The following SKA3 variants were observed in gnomAD, a reference collection of about 807,000 sequenced individuals.
SKA3 encodes spindle and kinetochore-associated protein 3.
In SKA3, 39 loss-of-function variants were observed where a neutral mutation model predicts 44.2. That is an observed-to-expected ratio of 0.88 (90% CI 0.68 to 1.15). SKA3 has a LOEUF of 1.15. Among genes scored for constraint, SKA3 ranks in the 50% most tolerant of loss-of-function variants. The pLI is 0.00. For synonymous variants in SKA3, 192 were observed against 172.0 expected (o/e 1.12, Z -0.91); for missense variants, 511 against 485.8 (o/e 1.05, Z -0.49).
chr13:21,176,313 G>T, intron 1 of SKA3, 62 bp downstream of exon 1: 1 of 1,256,662 alleles, frequency 8.0e-7, no homozygotes, highest in Non-Finnish European at 1.0e-6. Flanking sequence ...CCGTCCACTC[G>T]CCACGCCCCT....
chr13:21,159,654 TA>T (rs925430160), intron 6 of SKA3, among the ~76,000 whole-genome samples: 1 of 152,218 alleles, frequency 6.6e-6, no homozygotes, highest in Non-Finnish European at 1.5e-5. Context: ...CCTTACTCTA[TA>T]ACTTGTTTAA....
At chr13:21,173,684 G>A (rs937470208) in intron 1 of SKA3, among the ~76,000 whole-genome samples, 1 of 152,156 alleles carries the variant, frequency 6.6e-6, no homozygotes, top group South Asian at 2.1e-4. Context: ...TTCCACGTTC[G>A]TAATCTAATC....
In SKA3 at chr13:21,173,161, C is replaced by T. The variant is rs1020631595; in HGVS notation, c.104-480G>A. Among the ~76,000 whole-genome samples the T allele has an allele frequency of 7.7e-5, 4 of 52,014 alleles. No homozygotes were observed. The Admixed American group carries it at 1.1e-3, about 14-fold the overall frequency. 34.1% of individuals were successfully genotyped at this position (52,014 alleles called of 152,430 possible). On this transcript the variant is annotated intron_variant, in intron 1 of 8. Transcript: ENST00000314759. Reference sequence around the variant, plus strand: ...AAATGAGCATACCTGCACAACTGGCCCTCAGCTCAAGAAAAAGGAGAAACA... The same window carrying T: ...AAATGAGCATACCTGCACAACTGGCTCTCAGCTCAAGAAAAAGGAGAAACA...
chr13:21,167,807 T>G (rs112559574), intron 4 of SKA3, among the ~76,000 whole-genome samples, 181 bp downstream of exon 4: 4,693 of 151,294 alleles, frequency 0.031, 221 homozygotes, highest in African/African-American at 0.1. Context: ...AAAAACTTAT[T>G]GATGTAACCA....
intron 3 of SKA3, among the ~76,000 whole-genome samples, chr13:21,171,979 G>A (rs1425770477): frequency 2.6e-5 from 4 of 152,158 alleles, no homozygotes; most frequent in Non-Finnish European, 2.9e-5. Context: ...AACATGCCTC[G>A]AGGTCTCTCA....
At chr13:21,159,848 T>A (rs898880039) in intron 6 of SKA3, 54 bp downstream of exon 6, 1 of 1,312,294 alleles carries the variant, frequency 7.6e-7, no homozygotes, top group Non-Finnish European at 1.1e-6. Context: ...CAAGCAGTAG[T>A]GTATTTGAGT....
rs375975744 is a variant in SKA3 at position 21,168,307 on chromosome 13, G to T, written c.424C>A (p.Pro142Thr). 1 of 1,614,190 alleles carries T rather than the reference G, an allele frequency of 6.2e-7. No individual in the cohort carries two copies. Among genetic ancestry groups the T allele is most frequent in the Admixed American group, 1.7e-5 (1 of 60,018 alleles). The change falls in exon 4 of 9, where the codon CCT becomes ACT. Residue 142 changes from proline (P) to threonine (T), a missense_variant. Physicochemically the swap from Pro to Thr is conservative, Grantham distance 38 (BLOSUM62 -1). Transcript: ENST00000314759. ...TCAGAAATACAACTGCTTGCAACAG[G>T]AGGATCAGACAGATCATCTTTCACA... ...TDVKDDLSDPPVASSCISEKS... is the reference protein window; with the variant it reads ...TDVKDDLSDPTVASSCISEKS...
At chr13:21,157,439 TAC>T (rs1373530843) in intron 7 of SKA3, among the ~76,000 whole-genome samples, 1 of 152,238 alleles carries the variant, frequency 6.6e-6, no homozygotes, top group Non-Finnish European at 1.5e-5. Flanking sequence ...AGGCACTTGC[TAC>T]ACAGTGATAA....
In SKA3 at chr13:21,157,074, AAAC is replaced by A. The variant is rs1169636880; in HGVS notation, c.1119+845_1119+847del. Among the ~76,000 whole-genome samples, 2 of 3,412 alleles carry A rather than the reference AAAC, an allele frequency of 5.9e-4. 1 individual carries two copies. Among genetic ancestry groups the A allele is most frequent in the Non-Finnish European group, 1.8e-3 (2 of 1,096 alleles). The allele number at this position is 3,412 out of a possible 152,430, so 2.2% of individuals were successfully genotyped here. On this transcript the variant is annotated intron_variant, in intron 7 of 8. Coordinates refer to ENST00000314759, the MANE Select transcript of SKA3 (RefSeq NM_145061.6). ...AGAGCGAGACTCCGTCTCAAAAAAA[AAAC>A]AAAAAAAAAGAATTCCACACGTGTA...
In SKA3 at chr13:21,155,040, T is replaced by A; in HGVS notation, c.*110A>T. The A allele has an allele frequency of 6.5e-7, 1 of 1,539,228 alleles. No homozygotes were observed. Among genetic ancestry groups the A allele is most frequent in the Admixed American group, 1.9e-5 (1 of 52,948 alleles). On this transcript the variant is annotated 3_prime_UTR_variant, in exon 9 of 9. Coordinates refer to ENST00000314759, the MANE Select transcript of SKA3 (RefSeq NM_145061.6). ...TGTTCATGTTTGTCTTTAAAATGGG[T>A]CAACGTTTAAAGGGGGACAGAGGCA...
intron 4 of SKA3, among the ~76,000 whole-genome samples, chr13:21,166,342 T>A (rs1870712572): frequency 6.6e-6 from 1 of 152,172 alleles, no homozygotes; most frequent in African/African-American, 2.4e-5. Flanking sequence ...TTCAAGTCAA[T>A]TTTTATCATT....
chr13:21,156,185 T>TA (rs35208915), intron 7 of SKA3, among the ~76,000 whole-genome samples: 104,028 of 128,826 alleles, frequency 0.81, 42,417 homozygotes, highest in East Asian at 0.98. Flanking sequence ...AGACTTGGTC[T>TA]AAAAAAAAAA....
rs746266876 is a variant in SKA3 at position 21,158,065 on chromosome 13, C to A, written c.976G>T (p.Asp326Tyr). The change falls in exon 7 of 9, where the codon GAT (aspartate) becomes TAT (tyrosine). Residue 326 changes from aspartate to tyrosine, a missense_variant. Asp to Tyr is a radical substitution (Grantham distance 160, BLOSUM62 -3). Coordinates refer to ENST00000314759, the MANE Select transcript of SKA3 (RefSeq NM_145061.6). ...GAATTTAAAACCAACGAAGTACGAT[C>A]TTCAACTTCCAAATCATTTGATGAA... ...NSSSNDLEVEDRTSLVLNSDT... is the reference protein window; with the variant it reads ...NSSSNDLEVEYRTSLVLNSDT... The A allele has an allele frequency of 1.2e-6, 2 of 1,612,912 alleles. No individual in the cohort carries two copies. Among genetic ancestry groups the A allele is most frequent in the Non-Finnish European group, 1.7e-6 (2 of 1,179,110 alleles).
rs770803404 is a variant in SKA3, at chr13:21,172,372, A to G, written c.298T>C (p.Tyr100His). The change falls in exon 3 of 9, where the codon TAT becomes CAT. Residue 100 changes from tyrosine (Y) to histidine (H), a missense_variant. Tyr to His is a moderately conservative substitution (Grantham distance 83). Coordinates refer to ENST00000314759, the MANE Select transcript of SKA3 (RefSeq NM_145061.6). ...TTCTTGACACGTGGACTATATCCAT[A>G]CTTCTGGAAATACTCTCTTATTTTC... is the stretch of plus-strand genomic sequence containing the variant. ...IMKIREYFQK[Y>H]GYSPRVKKNS... The G allele has an allele frequency of 2.5e-6, 4 of 1,579,214 alleles. No individual in the cohort carries two copies. Among genetic ancestry groups the G allele is most frequent in the Admixed American group, 2.0e-5 (1 of 49,612 alleles).
chr13:21,161,503 T>C (rs1368745865), intron 5 of SKA3, among the ~76,000 whole-genome samples: 1 of 152,222 alleles, frequency 6.6e-6, no homozygotes. Context: ...AAAGAAAAAG[T>C]ACTAAGGCTC....
At chr13:21,170,663 A>C (rs1422149425) in intron 3 of SKA3, among the ~76,000 whole-genome samples, 1 of 152,068 alleles carries the variant, frequency 6.6e-6, no homozygotes, top group Non-Finnish European at 1.5e-5. Context: ...GAGTTCCAAA[A>C]ACCTACTGAT....
rs1376333642 is a variant in SKA3 at position 21,168,517 on chromosome 13, T to C, written c.332-118A>G. 5 of 864,180 alleles carry C rather than the reference T, an allele frequency of 5.8e-6. No homozygotes were observed. The Middle Eastern group carries it at 8.1e-4, about 140-fold the overall frequency. The allele number at this position is 864,180 out of a possible 1,614,324, so 53.5% of individuals were successfully genotyped here. ...CAAATCAGCAAAAGTTCCAATTGTCTAAACATTTTATTTATTTAGTATTTA... is the reference window on the plus strand; with the variant it reads ...CAAATCAGCAAAAGTTCCAATTGTCCAAACATTTTATTTATTTAGTATTTA... On this transcript the variant is annotated intron_variant, in intron 3 of 8. Coordinates refer to ENST00000314759, the MANE Select transcript of SKA3 (RefSeq NM_145061.6).
intron 2 of SKA3, 48 bp downstream of exon 2, chr13:21,172,572 A>G (rs765483476): frequency 7.2e-7 from 1 of 1,383,578 alleles, no homozygotes. Flanking sequence ...AGGATAAAAA[A>G]ATTACTCGCC....
chr13:21,158,804 G>A (rs747319637), intron 6 of SKA3, among the ~76,000 whole-genome samples: 3 of 152,166 alleles, frequency 2.0e-5, no homozygotes, highest in African/African-American at 7.2e-5. Context: ...CAGATCAGAG[G>A]TAAGTTTAGT....
Sources: gnomAD v4.1 joint callset for allele counts (sites outside exome capture counted in the v4.1 genomes callset) on GRCh38, gnomAD v4.1.1 for gene constraint, MANE v1.5 for transcripts, NCBI Gene and HGNC (gene_info 2026-07-23, HGNC 2026-07-21) for gene names.